The following JAZF1 variants were observed in gnomAD, a reference collection of about 807,000 sequenced individuals.
JAZF1 encodes juxtaposed with another zinc finger protein 1.
In JAZF1, 8 loss-of-function variants were observed where a neutral mutation model predicts 26.4. The ratio of observed to expected loss-of-function variants is 0.30; its 90% CI spans 0.18 to 0.55. The LOEUF (loss-of-function observed/expected upper bound fraction) is 0.55, where lower values mean the gene tolerates loss of function less well. Ranked by LOEUF, JAZF1 falls within the 20% of genes least tolerant of loss-of-function variation. The pLI is 0.94. For synonymous variants in JAZF1, 126 were observed against 122.3 expected, an observed-to-expected ratio of 1.03 and a Z score of -0.20; for missense variants, 199 against 322.0, an observed-to-expected ratio of 0.62 and a Z score of 2.92.
intron 1 of JAZF1, among the ~76,000 whole-genome samples, chr7:28,092,302 A>AC (rs1784312838): frequency 8.8e-6 from 1 of 113,302 alleles, no homozygotes; most frequent in Non-Finnish European, 1.9e-5. Flanking sequence ...AAAAAAAAAA[A>AC]AAAAAAAAAA....
chr7:28,142,653 T>C (rs981446961), intron 1 of JAZF1, among the ~76,000 whole-genome samples: 9 of 152,346 alleles, frequency 5.9e-5, no homozygotes, highest in South Asian at 4.1e-4. Context: ...GTTGAACTTA[T>C]GTTGCTCACT....
intron 1 of JAZF1, among the ~76,000 whole-genome samples, chr7:28,092,303 A>AAAAAAG (rs1784313063): frequency 8.1e-6 from 1 of 123,076 alleles, no homozygotes; most frequent in Non-Finnish European, 1.7e-5. Context: ...AAAAAAAAAA[A>AAAAAAG]AAAAAAAAAA....
intron 2 of JAZF1, 93 bp downstream of exon 2, chr7:27,991,816 A>G (rs1785909688): frequency 1.4e-6 from 1 of 740,710 alleles, no homozygotes; most frequent in Admixed American, 2.4e-5. Flanking sequence ...TTAAGACTGA[A>G]AACATTTTTC....
intron 1 of JAZF1, among the ~76,000 whole-genome samples, chr7:28,037,087 G>C (rs962208182): frequency 1.3e-5 from 2 of 152,056 alleles, no homozygotes; most frequent in African/African-American, 2.4e-5. Flanking sequence ...AGTTTATTTG[G>C]GTACGTGCAG....
At chr7:28,178,335 C>T (rs1783578463) in intron 1 of JAZF1, among the ~76,000 whole-genome samples, 1 of 152,078 alleles carries the variant, frequency 6.6e-6, no homozygotes, top group South Asian at 2.1e-4. Flanking sequence ...GTCTTTAACA[C>T]ATTTTAATAA....
chr7:28,072,540 G>GT (rs1250349538), intron 1 of JAZF1, among the ~76,000 whole-genome samples: 1 of 152,088 alleles, frequency 6.6e-6, no homozygotes, highest in Non-Finnish European at 1.5e-5. Context: ...TTTGAGATAA[G>GT]TATCTCCAGA....
chr7:27,992,602 C>T (rs1039786026), intron 1 of JAZF1, among the ~76,000 whole-genome samples: 1 of 152,184 alleles, frequency 6.6e-6, no homozygotes. Flanking sequence ...AACACCATAG[C>T]AACGCTTTAT....
rs938606587 is a variant in JAZF1, at chr7:28,031,350, C to T, written c.116-39369G>A. ...GTGAACGTTCATATAGAACAAACACCGGCATGGTGATGGTGGGGGATGACA... is the reference window on the plus strand; with the variant it reads ...GTGAACGTTCATATAGAACAAACACTGGCATGGTGATGGTGGGGGATGACA... On this transcript the variant is annotated intron_variant, in intron 1 of 4. Transcript: ENST00000283928. 5.9e-5 allele frequency among the ~76,000 whole-genome samples: 9 copies of T among 152,104 alleles called. No homozygotes were observed. The South Asian group carries it at 1.5e-3, about 25-fold the overall frequency.
intron 1 of JAZF1, among the ~76,000 whole-genome samples, chr7:28,047,323 T>G (rs34711500): frequency 6.6e-6 from 1 of 152,132 alleles, no homozygotes; most frequent in Non-Finnish European, 1.5e-5. Context: ...TTTTGCTTAC[T>G]TATTCTCCTG....
chr7:28,066,159 G>C (rs1159321136), intron 1 of JAZF1, among the ~76,000 whole-genome samples: 1 of 152,128 alleles, frequency 6.6e-6, no homozygotes, highest in African/African-American at 2.4e-5. Context: ...ACACACCTTA[G>C]ATGCACTGAA....
intron 1 of JAZF1, among the ~76,000 whole-genome samples, chr7:28,044,446 A>T (rs770156129): frequency 9.2e-5 from 14 of 152,198 alleles, no homozygotes; most frequent in Non-Finnish European, 2.1e-4. Context: ...TGGACTGGAC[A>T]TCCCATAGTA....
In JAZF1 at chr7:28,110,515, A is replaced by AAAGGAAAGGAAAGGAAAAGG. The variant is rs1562590947; in HGVS notation, c.115+69947_115+69948insCCTTTTCCTTTCCTTTCCTT. Among the ~76,000 whole-genome samples, 61 of 58,898 alleles carry AAAGGAAAGGAAAGGAAAAGG rather than the reference A, an allele frequency of 1.0e-3. No homozygotes were observed. The East Asian group carries it at 0.011, about 11-fold the overall frequency. 38.6% of individuals were successfully genotyped at this position (58,898 alleles called of 152,430 possible). ...AAGGAAAGGAAAGGAAAAGGAAAGG[A>AAAGGAAAGGAAAGGAAAAGG]AAAGGAAAAGGAAAAGGAAAGGAAA... On this transcript the variant is annotated intron_variant, in intron 1 of 4. Transcript: ENST00000283928.
chr7:28,042,449 TG>T (rs1783409165), intron 1 of JAZF1, among the ~76,000 whole-genome samples: 1 of 152,148 alleles, frequency 6.6e-6, no homozygotes. Flanking sequence ...TGGCAGCAGC[TG>T]AAGAATGGAT....
chr7:28,099,901 C>T lies in JAZF1; in HGVS notation c.115+80562G>A, dbSNP rs141510282. Among the ~76,000 whole-genome samples the T allele has an allele frequency of 1.6e-4, 24 of 152,352 alleles. No individual in the cohort carries two copies. In the East Asian group the frequency reaches 4.6e-3, roughly 29 times the overall value. ...CAAGATTTCAGTGCTTGGAGCTATA[C>T]TTGGCCTGCCTCAACACTGGAAACA... On this transcript the variant is annotated intron_variant, in intron 1 of 4. Transcript: ENST00000283928.
chr7:27,908,024 T>C (rs1784293311), intron 2 of JAZF1, among the ~76,000 whole-genome samples: 1 of 152,220 alleles, frequency 6.6e-6, no homozygotes, highest in Non-Finnish European at 1.5e-5. Flanking sequence ...GCCTGGGCAT[T>C]TGGTACATAC....
At chr7:28,044,731 G>A (rs1783465715) in intron 1 of JAZF1, among the ~76,000 whole-genome samples, 1 of 152,156 alleles carries the variant, frequency 6.6e-6, no homozygotes, top group Non-Finnish European at 1.5e-5. Flanking sequence ...ATTTACTGGT[G>A]ATACTAACAG....
chr7:28,114,677 G>T (rs551140041), intron 1 of JAZF1, among the ~76,000 whole-genome samples: 3 of 151,122 alleles, frequency 2.0e-5, no homozygotes, highest in African/African-American at 7.3e-5. Flanking sequence ...ACATGACATG[G>T]GTTCTGCCCT....
chr7:28,101,974 G>A (rs966301003), intron 1 of JAZF1, among the ~76,000 whole-genome samples: 2 of 151,930 alleles, frequency 1.3e-5, no homozygotes, highest in African/African-American at 2.4e-5. Flanking sequence ...TTTTCTACAC[G>A]TTGTCTTATG....
chr7:27,841,728 C>A (rs1782929496), intron 3 of JAZF1: 1 of 152,168 alleles, frequency 6.6e-6, no homozygotes, highest in Non-Finnish European at 1.5e-5. Flanking sequence ...GGATGGAGAA[C>A]CACTTCAACA....
Sources: gnomAD v4.1 joint callset for allele counts (sites outside exome capture counted in the v4.1 genomes callset) on GRCh38, gnomAD v4.1.1 for gene constraint, MANE v1.5 for transcripts, NCBI Gene and HGNC (gene_info 2026-07-23, HGNC 2026-07-21) for gene names.